The following CNTN4 variants were observed in gnomAD, a reference collection of about 807,000 sequenced individuals.
CNTN4 encodes contactin 4.
Under a neutral mutation model 122.5 loss-of-function variants are expected in CNTN4, and 77 were observed. The ratio of observed to expected loss-of-function variants is 0.63; its 90% CI spans 0.52 to 0.76. CNTN4 has a LOEUF of 0.76. CNTN4 is among the 30% of genes least tolerant of loss of function. CNTN4 has a pLI of 0.00. For missense variants in CNTN4, 1,256 were observed against 1,259.1 expected (o/e 1.00, Z 0.04); for synonymous variants, 512 against 447.0 (o/e 1.15, Z -1.83).
intron 3 of CNTN4, among the ~76,000 whole-genome samples, chr3:2,389,079 T>A (rs796893186): frequency 5.9e-5 from 9 of 151,958 alleles, no homozygotes; most frequent in African/African-American, 2.2e-4. Context: ...GAGAATCTCT[T>A]GAACCTGGGA....
chr3:2,534,819 A>ATGCCGCTGCTGCTGCTGCTGCTGC (rs2077735727), intron 3 of CNTN4, among the ~76,000 whole-genome samples: 1 of 88,412 alleles, frequency 1.1e-5, no homozygotes, highest in Non-Finnish European at 2.7e-5. Context: ...GGAACAATGT[A>ATGCCGCTGCTGCTGCTGCTGCTGC]TGCTGCTGCT....
At chr3:2,610,311 G>A (rs7610782) in intron 4 of CNTN4, among the ~76,000 whole-genome samples, 14,682 of 152,158 alleles carry the variant, frequency 0.096, 961 homozygotes, top group Non-Finnish European at 0.14. Context: ...GTTCTTATTT[G>A]TATAATGGGA....
chr3:2,670,685 G>A (rs1250568657), intron 4 of CNTN4, among the ~76,000 whole-genome samples: 1 of 152,290 alleles, frequency 6.6e-6, no homozygotes, highest in East Asian at 1.9e-4. Context: ...TTTCTTCCTA[G>A]CCTCGATGGT....
chr3:2,802,361 C>G (rs778756331), intron 6 of CNTN4, among the ~76,000 whole-genome samples: 1 of 152,216 alleles, frequency 6.6e-6, no homozygotes, highest in Non-Finnish European at 1.5e-5. Context: ...GGTGTACAAA[C>G]AAGTGAGCTT....
chr3:2,595,187 A>C (rs1354705570), intron 4 of CNTN4, among the ~76,000 whole-genome samples: 1 of 152,224 alleles, frequency 6.6e-6, no homozygotes, highest in Non-Finnish European at 1.5e-5. Flanking sequence ...CTAATATTAC[A>C]CAATTGACTG....
chr3:2,606,491 TTAAAA>T (rs1486308757), intron 4 of CNTN4, among the ~76,000 whole-genome samples: 4 of 152,110 alleles, frequency 2.6e-5, no homozygotes, highest in South Asian at 2.1e-4. Flanking sequence ...ATCCCGGAAC[TTAAAA>T]TAAAATAAAA....
chr3:2,311,224 A>G (rs917202063), intron 2 of CNTN4, among the ~76,000 whole-genome samples: 6 of 152,118 alleles, frequency 3.9e-5, no homozygotes, highest in Admixed American at 6.6e-5. Flanking sequence ...AGAATGAGTC[A>G]TAGTCTCTTC....
At chr3:2,817,076 G>C (rs2092753454) in intron 6 of CNTN4, among the ~76,000 whole-genome samples, 1 of 152,162 alleles carries the variant, frequency 6.6e-6, no homozygotes, top group Admixed American at 6.5e-5. Flanking sequence ...TTTGAGGCAT[G>C]TAATCTTTCC....
chr3:2,711,546 T>C (rs1238107344), intron 4 of CNTN4, among the ~76,000 whole-genome samples: 2 of 152,120 alleles, frequency 1.3e-5, no homozygotes, highest in African/African-American at 4.8e-5. Context: ...ACATCAAGAA[T>C]TGGAGGACAT....
chr3:2,627,562 C>A (rs145303300), intron 4 of CNTN4, among the ~76,000 whole-genome samples: 1 of 146,884 alleles, frequency 6.8e-6, no homozygotes, highest in East Asian at 2.0e-4. Context: ...AGCGCAATCT[C>A]GGCTCACTGC....
chr3:2,551,432 C>T (rs760608945), intron 3 of CNTN4, among the ~76,000 whole-genome samples: 9 of 152,158 alleles, frequency 5.9e-5, no homozygotes, highest in Admixed American at 3.3e-4. Context: ...GATTTTCTTA[C>T]GTTTATCCAC....
intron 13 of CNTN4, among the ~76,000 whole-genome samples, chr3:2,950,100 T>A (rs1264013252): frequency 6.6e-6 from 1 of 152,242 alleles, no homozygotes; most frequent in African/African-American, 2.4e-5. Flanking sequence ...TATCCATGAC[T>A]AATGGAGTTG....
intron 3 of CNTN4, among the ~76,000 whole-genome samples, chr3:2,467,877 G>A (rs1045261162): frequency 6.6e-6 from 1 of 152,140 alleles, no homozygotes; most frequent in African/African-American, 2.4e-5. Context: ...CATTCATGCA[G>A]CATTCACACA....
intron 6 of CNTN4, among the ~76,000 whole-genome samples, chr3:2,787,064 A>G (rs997426241): frequency 2.0e-5 from 3 of 152,180 alleles, no homozygotes; most frequent in African/African-American, 7.2e-5. Context: ...TAAGAGGAAT[A>G]ACAAAAACTT....
intron 16 of CNTN4, 28 bp from the exon 17 acceptor site, chr3:3,034,604 C>T: frequency 6.2e-7 from 1 of 1,613,508 alleles, no homozygotes; most frequent in Non-Finnish European, 8.5e-7. Context: ...TACACTGCTC[C>T]AATTCTGGGG....
intron 3 of CNTN4, among the ~76,000 whole-genome samples, chr3:2,424,720 A>G (rs2047750601): frequency 6.6e-6 from 1 of 152,172 alleles, no homozygotes; most frequent in South Asian, 2.1e-4. Flanking sequence ...CATCCTCTCC[A>G]GTACCTGTTG....
chr3:2,530,630 G>A (rs946894822), intron 3 of CNTN4, among the ~76,000 whole-genome samples: 11 of 151,972 alleles, frequency 7.2e-5, no homozygotes, highest in African/African-American at 2.7e-4. Context: ...TTAAAACCAC[G>A]TTGATTGGGA....
At chr3:2,353,723 G>A (rs893884347) in intron 3 of CNTN4, among the ~76,000 whole-genome samples, 21 of 152,210 alleles carry the variant, frequency 1.4e-4, no homozygotes, top group African/African-American at 4.6e-4. Flanking sequence ...TGGACACACC[G>A]TCTCTACTAA....
intron 2 of CNTN4, among the ~76,000 whole-genome samples, chr3:2,182,777 T>G (rs2037075741): frequency 6.6e-6 from 1 of 152,096 alleles, no homozygotes; most frequent in Non-Finnish European, 1.5e-5. Flanking sequence ...AAGTTTGTTT[T>G]TGTCTTGGTT....
Sources: allele counts gnomAD v4.1 joint callset (sites outside exome capture counted in the v4.1 genomes callset), GRCh38; gene constraint gnomAD v4.1.1; transcripts MANE v1.5; gene names NCBI Gene and HGNC (gene_info 2026-07-23, HGNC 2026-07-21).